Variants in LRP2 observed in about 807,000 individuals in gnomAD.
LRP2 encodes the protein LDL receptor related protein 2.
LRP2 carries 172 observed loss-of-function variants against 531.0 expected under a neutral mutation model. The observed-to-expected ratio is 0.32, with a 90% confidence interval of 0.29 to 0.37. The LOEUF (loss-of-function observed/expected upper bound fraction) is 0.37, where lower values mean the gene tolerates loss of function less well. Ranked by LOEUF, LRP2 falls within the 10% of genes least tolerant of loss-of-function variation. The pLI is 1.00. For synonymous variants in LRP2, 1,992 were observed against 2,027.6 expected (o/e 0.98, Z 0.47); for missense variants, 5,167 against 5,868.3 (o/e 0.88, Z 3.90).
At chr2:169,263,987 A>G (rs1012366668) in intron 16 of LRP2, among the ~76,000 whole-genome samples, 5 of 152,298 alleles carry the variant, frequency 3.3e-5, no homozygotes. Flanking sequence ...TCAGCAAACT[A>G]TCACAAGAAC....
intron 77 of LRP2, among the ~76,000 whole-genome samples, chr2:169,129,752 C>T (rs567034770): frequency 1.8e-4 from 28 of 152,234 alleles, no homozygotes; most frequent in Admixed American, 1.8e-3. Context: ...GTAATGATTA[C>T]TCAGGGGACC....
chr2:169,309,515 T>C (rs1245299101), intron 3 of LRP2, among the ~76,000 whole-genome samples: 1 of 152,242 alleles, frequency 6.6e-6, no homozygotes, highest in East Asian at 1.9e-4. Context: ...GTCAGGTTTG[T>C]CAAAGATCAG....
intron 48 of LRP2, 95 bp from the exon 49 acceptor site, chr2:169,188,360 AAT>A (rs1687708580): frequency 1.7e-6 from 2 of 1,190,164 alleles, no homozygotes; most frequent in Non-Finnish European, 2.5e-6. Context: ...TATCTACCTA[AAT>A]GCCAGGTCAA....
At chr2:169,150,815 A>G (rs1450627786) in intron 68 of LRP2, 83 bp downstream of exon 68, 20 of 1,531,640 alleles carry the variant, frequency 1.3e-5, no homozygotes, top group South Asian at 4.6e-5. Flanking sequence ...TTAAACTAGG[A>G]AAAAAAAATT....
At position 169,241,298 on chromosome 2, in the gene LRP2, C is replaced by T. The variant is rs1689794721; in HGVS notation, c.3735G>A (p.Pro1245=). ...FQCQEDGICI[P]NFWECDGHPD... ...GATGCCCATCACATTCCCAGAAGTTCGGGATGCAGATACCATCTTCTTGGC... is the reference window on the plus strand; with the variant it reads ...GATGCCCATCACATTCCCAGAAGTTTGGGATGCAGATACCATCTTCTTGGC... The change falls in exon 25 of 79, where the codon CCG becomes CCA. Residue 1245 remains proline, a synonymous_variant. Coordinates refer to ENST00000649046, the MANE Select transcript of LRP2 (RefSeq NM_004525.3). 3.7e-6 allele frequency: 6 copies of T among 1,614,112 alleles called. No individual in the cohort carries two copies. Among genetic ancestry groups the T allele is most frequent in the East Asian group, 2.2e-5 (1 of 44,884 alleles).
In LRP2 at chr2:169,335,683, C is replaced by T. The variant is rs116799207; in HGVS notation, c.80-14799G>A. ...AAAAAAAAGGAAGTTCAGCGATTCT[C>T]CAGGACCCACGTTTAAAAGAATTTC... On this transcript the variant is annotated intron_variant, in intron 1 of 78. Transcript: ENST00000649046. Among the ~76,000 whole-genome samples, 1,313 of 152,160 alleles carry T rather than the reference C, an allele frequency of 8.6e-3. 12 individuals are homozygous for T. The highest frequency in any genetic ancestry group is 0.029 in the African/African-American group (1,201 of 41,500).
At chr2:169,286,333 C>T (rs1241504835) in intron 9 of LRP2, among the ~76,000 whole-genome samples, 4 of 152,108 alleles carry the variant, frequency 2.6e-5, no homozygotes, top group South Asian at 2.1e-4. Context: ...AACGCGCTGG[C>T]GGGAATGAAA....
In LRP2 at chr2:169,178,046, C is replaced by G; in HGVS notation, c.10170-20G>C. On this transcript the variant is annotated intron_variant, in intron 52 of 78. Coordinates refer to ENST00000649046, the MANE Select transcript of LRP2 (RefSeq NM_004525.3). The stretch of plus-strand genomic sequence containing the variant: ...GAGTACCTGCAGCAGTAAGCAGAAA[C>G]AGTTATGTGATAAAGGTAATTCCTC... 1 of 1,563,830 alleles carries G rather than the reference C, an allele frequency of 6.4e-7. No homozygotes were observed. Among genetic ancestry groups the G allele is most frequent in the Non-Finnish European group, 8.8e-7 (1 of 1,136,688 alleles).
intron 77 of LRP2, 58 bp downstream of exon 77, chr2:169,132,516 C>T (rs561447997): frequency 3.1e-6 from 3 of 958,068 alleles, no homozygotes; most frequent in South Asian, 2.6e-5. Context: ...TAATAAAAAC[C>T]CAGTCATCCC....
In LRP2 at chr2:169,207,334, A is replaced by G. The variant is rs913499566; in HGVS notation, c.6470-84T>C. ...GAACTTTACAAATTCAGAACAAAAT[A>G]TATAAGGTTGAAGTCTGGGTCACTA... is the stretch of plus-strand genomic sequence containing the variant. On this transcript the variant is annotated intron_variant, in intron 38 of 78. Coordinates refer to ENST00000649046, the MANE Select transcript of LRP2 (RefSeq NM_004525.3). 11 of 949,980 alleles carry G rather than the reference A, an allele frequency of 1.2e-5. No individual in the cohort carries two copies. In the African/African-American group the frequency reaches 1.5e-4, roughly 13 times the overall value. The allele number at this position is 949,980 out of a possible 1,614,324, so 58.8% of individuals were successfully genotyped here. A position where few individuals can be genotyped will look rare whatever the true frequency, so the allele number is the denominator to read the frequency against.
intron 4 of LRP2, among the ~76,000 whole-genome samples, chr2:169,306,712 G>GAGATAATA (rs1431474158): frequency 2.2e-4 from 34 of 151,922 alleles, no homozygotes; most frequent in Admixed American, 2.1e-3. Flanking sequence ...ACTAGATAAT[G>GAGATAATA]AACCATGATT....
intron 1 of LRP2, among the ~76,000 whole-genome samples, chr2:169,358,356 GA>G (rs751144143): frequency 3.9e-4 from 58 of 148,532 alleles, no homozygotes; most frequent in African/African-American, 1.1e-3. Context: ...TTATCTGTAA[GA>G]AAAAAAAAAT....
At chr2:169,177,306 C>A (rs1359351950) in intron 53 of LRP2, among the ~76,000 whole-genome samples, 1 of 152,090 alleles carries the variant, frequency 6.6e-6, no homozygotes, top group Non-Finnish European at 1.5e-5. Context: ...AGTTCACAAT[C>A]AAATAAAAAC....
chr2:169,303,683 T>C (rs1455471986), intron 4 of LRP2, among the ~76,000 whole-genome samples: 1 of 140,604 alleles, frequency 7.1e-6, no homozygotes, highest in Non-Finnish European at 1.5e-5. Flanking sequence ...ATTTCTGAGG[T>C]TTTTTTTTTT....
chr2:169,259,319 A>T, intron 16 of LRP2, 102 bp from the exon 17 acceptor site: 2 of 703,222 alleles, frequency 2.8e-6, no homozygotes, highest in African/African-American at 1.9e-5. Flanking sequence ...GTTAGAGCAT[A>T]TTTCAGGAAC....
intron 68 of LRP2, 151 bp from the exon 69 acceptor site, chr2:169,147,110 G>A: frequency 1.4e-6 from 1 of 689,792 alleles, no homozygotes; most frequent in Non-Finnish European, 2.6e-6. Context: ...ACAGAAGATG[G>A]GGAGCAAAAA....
chr2:169,213,806 C>T lies in LRP2; in HGVS notation c.5891G>A (p.Trp1964Ter), dbSNP rs1407607665. 1 of 1,613,630 alleles carries T rather than the reference C, an allele frequency of 6.2e-7. No homozygotes were observed. The highest frequency in any genetic ancestry group is 8.5e-7 in the Non-Finnish European group (1 of 1,179,776). The change falls in exon 36 of 79, where the codon TGG becomes TAG. Residue 1964 changes from tryptophan to a stop codon, truncating the protein, a stop_gained. Coordinates refer to ENST00000649046, the MANE Select transcript of LRP2 (RefSeq NM_004525.3). LOFTEE classifies it high-confidence loss of function. Reference sequence around the variant, plus strand: ...GAAAGAATCATGGACTGCAATTCCCCAGGGGTGGGAAAGCTGGTGTACCAG... The same window carrying T: ...GAAAGAATCATGGACTGCAATTCCCTAGGGGTGGGAAAGCTGGTGTACCAG... ...MILVHQLSHP[W>*]GIAVHDSFLY...
intron 48 of LRP2, among the ~76,000 whole-genome samples, chr2:169,189,581 G>T (rs1413103232): frequency 6.6e-6 from 1 of 152,086 alleles, no homozygotes; most frequent in Non-Finnish European, 1.5e-5. Flanking sequence ...TCACCCCTCA[G>T]TCTTATCATC....
chr2:169,170,910 T>A (rs1345320629), intron 58 of LRP2, among the ~76,000 whole-genome samples: 1 of 135,134 alleles, frequency 7.4e-6, no homozygotes, highest in African/African-American at 2.7e-5. Context: ...TCTCTCTTGC[T>A]CTCTCTCTCT....
Sources: gnomAD v4.1 joint callset for allele counts (sites outside exome capture counted in the v4.1 genomes callset) on GRCh38, gnomAD v4.1.1 for gene constraint, MANE v1.5 for transcripts, NCBI Gene and HGNC (gene_info 2026-07-23, HGNC 2026-07-21) for gene names.